The following EPB41L4A variants were observed in gnomAD, a reference collection of about 807,000 sequenced individuals.
EPB41L4A encodes the protein erythrocyte membrane protein band 4.1 like 4A.
A neutral mutation model predicts 108.6 loss-of-function variants in EPB41L4A; 100 were observed. That is an observed-to-expected ratio of 0.92 (90% CI 0.78 to 1.09). The LOEUF is 1.09. Ranked by LOEUF, EPB41L4A falls within the 50% of genes least tolerant of loss-of-function variation. The pLI is 0.00. For missense variants in EPB41L4A, 1,030 were observed against 842.7 expected (o/e 1.22, Z -2.75); for synonymous variants, 319 against 289.0 (o/e 1.10, Z -1.05).
chr5:112,289,219 T>C (rs560279458), intron 2 of EPB41L4A, among the ~76,000 whole-genome samples: 3 of 152,148 alleles, frequency 2.0e-5, no homozygotes, highest in East Asian at 3.8e-4. Context: ...AAGAGTCTCG[T>C]ATGCATAATA....
At chr5:112,418,662 G>A (rs1762865014) in intron 1 of EPB41L4A, among the ~76,000 whole-genome samples, 3 of 152,194 alleles carry the variant, frequency 2.0e-5, no homozygotes, top group Non-Finnish European at 1.5e-5. Flanking sequence ...GGCTTTTGGA[G>A]AAAACCGGTT....
downstream of EPB41L4A, chr5:112,160,845 T>C (rs115260354): frequency 2.0e-3 from 309 of 156,194 alleles, 1 homozygote; most frequent in African/African-American, 6.6e-3. Context: ...TAGAAAAGCA[T>C]TGTGGGACGG....
chr5:112,321,033 T>C (rs1427460133), intron 1 of EPB41L4A, among the ~76,000 whole-genome samples: 1 of 152,170 alleles, frequency 6.6e-6, no homozygotes, highest in Non-Finnish European at 1.5e-5. Flanking sequence ...TTACAGGCCA[T>C]CGAGACTTCA....
At chr5:112,251,539 T>C (rs1750669422) in intron 9 of EPB41L4A, among the ~76,000 whole-genome samples, 2 of 151,918 alleles carry the variant, frequency 1.3e-5, no homozygotes, top group South Asian at 4.2e-4. Flanking sequence ...CAAAAACCCA[T>C]ACAGTATGCT....
intron 9 of EPB41L4A, among the ~76,000 whole-genome samples, chr5:112,242,807 G>A (rs767530011): frequency 6.6e-6 from 1 of 152,164 alleles, no homozygotes; most frequent in African/African-American, 2.4e-5. Flanking sequence ...TAATCTCCTT[G>A]TACATCTCCA....
intron 3 of EPB41L4A, among the ~76,000 whole-genome samples, chr5:112,278,474 A>G (rs1056503857): frequency 6.6e-6 from 1 of 151,302 alleles, no homozygotes; most frequent in African/African-American, 2.4e-5. Context: ...CTGGTCTTCA[A>G]CTCCTGACCT....
intron 18 of EPB41L4A, among the ~76,000 whole-genome samples, chr5:112,180,737 C>T (rs77191744): frequency 5.1e-4 from 76 of 149,626 alleles, no homozygotes; most frequent in Non-Finnish European, 8.4e-4. Context: ...GTCTGCTCAT[C>T]AAAAAGCAAT....
In EPB41L4A at chr5:112,362,877, T is replaced by C. The variant is rs145081471; in HGVS notation, c.100-55387A>G. Among the ~76,000 whole-genome samples the C allele has an allele frequency of 2.0e-5, 3 of 152,272 alleles. No homozygotes were observed. In the East Asian group the frequency reaches 5.8e-4, roughly 29 times the overall value. On this transcript the variant is annotated intron_variant, in intron 1 of 22. Coordinates refer to ENST00000261486, the MANE Select transcript of EPB41L4A (RefSeq NM_022140.5). ...GATGGCTTATGATGTTTCCTAAAAG[T>C]AGCAGGTAGCTTTATATGTATTTTT...
chr5:112,403,571 T>C (rs73216591), intron 1 of EPB41L4A, among the ~76,000 whole-genome samples: 14,527 of 152,112 alleles, frequency 0.096, 2,256 homozygotes, highest in African/African-American at 0.32. Context: ...TGGATTCAAG[T>C]GATGCTCCCA....
At chr5:112,377,595 T>C (rs1229177240) in intron 1 of EPB41L4A, among the ~76,000 whole-genome samples, 1 of 152,088 alleles carries the variant, frequency 6.6e-6, no homozygotes, top group Non-Finnish European at 1.5e-5. Flanking sequence ...TTTTATTCAA[T>C]AAAAAGGGGG....
At chr5:112,359,395 T>C (rs989170939) in intron 1 of EPB41L4A, among the ~76,000 whole-genome samples, 7 of 152,208 alleles carry the variant, frequency 4.6e-5, no homozygotes, top group Non-Finnish European at 7.3e-5. Flanking sequence ...ATCCAATATA[T>C]AGCTGATTTC....
intron 1 of EPB41L4A, among the ~76,000 whole-genome samples, chr5:112,333,603 T>C (rs1275477612): frequency 6.6e-6 from 1 of 152,204 alleles, no homozygotes; most frequent in Non-Finnish European, 1.5e-5. Flanking sequence ...CCTGACTCTC[T>C]GGTCCTGTTT....
chr5:112,279,787 T>C (rs1752848924), intron 3 of EPB41L4A, among the ~76,000 whole-genome samples: 2 of 152,146 alleles, frequency 1.3e-5, no homozygotes, highest in South Asian at 4.1e-4. Context: ...CTCCCAAAAA[T>C]GGTCTCTCTC....
intron 2 of EPB41L4A, among the ~76,000 whole-genome samples, chr5:112,298,071 G>A (rs1754122172): frequency 6.6e-6 from 1 of 152,066 alleles, no homozygotes; most frequent in Non-Finnish European, 1.5e-5. Context: ...GATGCCTCCA[G>A]CTATGTTCTT....
chr5:112,226,949 T>A (rs1242980168), intron 12 of EPB41L4A, among the ~76,000 whole-genome samples: 1 of 147,704 alleles, frequency 6.8e-6, no homozygotes, highest in Non-Finnish European at 1.5e-5. Flanking sequence ...ATGCTTAAGA[T>A]GGTAAATTTA....
intron 4 of EPB41L4A, among the ~76,000 whole-genome samples, chr5:112,273,610 T>A (rs1752419512): frequency 6.6e-6 from 1 of 152,186 alleles, no homozygotes; most frequent in Non-Finnish European, 1.5e-5. Flanking sequence ...GAGCTTTATA[T>A]ATATTATTCC....
At chr5:112,337,438 A>C (rs1332313510) in intron 1 of EPB41L4A, among the ~76,000 whole-genome samples, 1 of 152,194 alleles carries the variant, frequency 6.6e-6, no homozygotes, top group Non-Finnish European at 1.5e-5. Context: ...GCTAACATTT[A>C]TTGAACACTT....
chr5:112,181,029 C>T (rs1186385248), intron 18 of EPB41L4A, among the ~76,000 whole-genome samples: 1 of 152,106 alleles, frequency 6.6e-6, no homozygotes, highest in Admixed American at 6.5e-5. Flanking sequence ...AGTAGAATGG[C>T]GAAAATTAAC....
chr5:112,370,009 G>C (rs1347417861), intron 1 of EPB41L4A, among the ~76,000 whole-genome samples: 1 of 152,038 alleles, frequency 6.6e-6, no homozygotes, highest in East Asian at 1.9e-4. Flanking sequence ...CAACTTTTCT[G>C]TCTTCCAAAA....
Sources: gnomAD v4.1 joint callset for allele counts (sites outside exome capture counted in the v4.1 genomes callset) on GRCh38, gnomAD v4.1.1 for gene constraint, MANE v1.5 for transcripts, NCBI Gene and HGNC (gene_info 2026-07-23, HGNC 2026-07-21) for gene names.